The following DTNB variants were observed in gnomAD, a reference collection of about 807,000 sequenced individuals.
The protein encoded by DTNB is DTN-B.
DTNB carries 63 observed loss-of-function variants against 90.7 expected under a neutral mutation model. The ratio of observed to expected loss-of-function variants is 0.69; its 90% CI spans 0.57 to 0.86. The LOEUF is 0.86. Among genes scored for constraint, DTNB ranks in the 40% least tolerant of loss-of-function variants. The pLI is 0.00. For missense variants in DTNB, 744 were observed against 807.1 expected (o/e 0.92, Z 0.95); for synonymous variants, 277 against 286.7 (o/e 0.97, Z 0.34).
intron 11 of DTNB, 44 bp from the exon 12 acceptor site, chr2:25,451,679 C>T (rs2059311450): frequency 6.7e-7 from 1 of 1,483,110 alleles, no homozygotes; most frequent in African/African-American, 1.4e-5. Flanking sequence ...TTAAACATCC[C>T]TTATTCTTGT....
At chr2:25,571,174 T>C (rs528007273) in intron 8 of DTNB, among the ~76,000 whole-genome samples, 3 of 152,354 alleles carry the variant, frequency 2.0e-5, no homozygotes, top group African/African-American at 4.8e-5. Flanking sequence ...GGCTGATGTA[T>C]ACAACATATT....
chr2:25,519,813 C>T (rs139695429), intron 9 of DTNB, among the ~76,000 whole-genome samples: 46 of 152,212 alleles, frequency 3.0e-4, no homozygotes, highest in African/African-American at 1.1e-3. Context: ...GATCAAGATA[C>T]CTAGAATGAA....
At chr2:25,567,561 TGAA>T (rs2151256874) in intron 8 of DTNB, among the ~76,000 whole-genome samples, 1 of 152,356 alleles carries the variant, frequency 6.6e-6, no homozygotes, top group South Asian at 2.1e-4. Flanking sequence ...TAGAAGATTT[TGAA>T]GAACACAATA....
intron 4 of DTNB, among the ~76,000 whole-genome samples, chr2:25,616,008 G>C (rs528269234): frequency 6.6e-6 from 1 of 152,276 alleles, no homozygotes; most frequent in South Asian, 2.1e-4. Context: ...CTTTTATTTT[G>C]TTGGCAGTGA....
At chr2:25,576,745 T>A (rs1454679625) in intron 8 of DTNB, 93 bp downstream of exon 8, 1 of 1,397,370 alleles carries the variant, frequency 7.2e-7, no homozygotes, top group African/African-American at 1.5e-5. Flanking sequence ...CACACCCTTA[T>A]TTGGTAGGCA....
Position 25,424,560 on chromosome 2 carries a change from AC to A in DTNB, c.1554+2974del, listed in dbSNP as rs2050867504. Among the ~76,000 whole-genome samples, 2 of 152,160 alleles carry A rather than the reference AC, an allele frequency of 1.3e-5. No individual in the cohort carries two copies. The highest frequency in any genetic ancestry group is 1.3e-4 in the Admixed American group (2 of 15,280). ...AGTTTACATAAACCTTTTGCCTTTT[AC>A]AAAAATCACACTGGGGCACTGGGAC... is the stretch of plus-strand genomic sequence containing the variant. On this transcript the variant is annotated intron_variant, in intron 15 of 20. Transcript: ENST00000406818. The surrounding 1 kb of genome is among the most constrained non-coding windows in gnomAD (Gnocchi z 4.1).
At chr2:25,435,561 A>G (rs148442323) in intron 12 of DTNB, among the ~76,000 whole-genome samples, 145 of 152,326 alleles carry the variant, frequency 9.5e-4, no homozygotes, top group African/African-American at 3.2e-3. Flanking sequence ...GTTGTACCAC[A>G]TATCAGTACT....
intron 16 of DTNB, chr2:25,419,085 G>A (rs1369271975): frequency 1.2e-5 from 2 of 170,192 alleles, no homozygotes; most frequent in Non-Finnish European, 2.5e-5. Flanking sequence ...CAGAAGCCTA[G>A]TCGAGACTGC....
At chr2:25,577,778 A>G (rs111310071) in intron 7 of DTNB, among the ~76,000 whole-genome samples, 1 of 152,134 alleles carries the variant, frequency 6.6e-6, no homozygotes, top group Non-Finnish European at 1.5e-5. Flanking sequence ...CGAGGCGGGC[A>G]GATCACGAGG....
chr2:25,527,678 A>G (rs2077426421), intron 9 of DTNB, among the ~76,000 whole-genome samples: 1 of 152,228 alleles, frequency 6.6e-6, no homozygotes, highest in African/African-American at 2.4e-5. Flanking sequence ...ATTCCTACCA[A>G]TACAAAATAC....
rs551224217 is a variant in DTNB at position 25,458,411 on chromosome 2, T to TA, written c.1080-2918dup. Among the ~76,000 whole-genome samples the TA allele has an allele frequency of 7.7e-4, 110 of 142,404 alleles. 1 individual carries two copies. The highest frequency in any genetic ancestry group is 6.4e-3 in the South Asian group (29 of 4,514). The allele number at this position is 142,404 out of a possible 152,430, so 93.4% of individuals were successfully genotyped here. A position where few individuals can be genotyped will look rare whatever the true frequency, so the allele number is the denominator to read the frequency against. ...AAAGGGTTAATGAGAAATCAACAGT[T>TA]AAAAAAAAAAAAAGAGAGAGAGAAA... On this transcript the variant is annotated intron_variant, in intron 10 of 20. Transcript: ENST00000406818.
At chr2:25,589,367 CTTTTTTTTTTTTT>C (rs1169808182) in intron 6 of DTNB, among the ~76,000 whole-genome samples, 1,664 of 57,476 alleles carry the variant, frequency 0.029, 12 homozygotes, top group Middle Eastern at 0.057. Context: ...TTTTTCTTTT[CTTTTTTTTTTTTT>C]TTTTTTTTTT....
intron 3 of DTNB, among the ~76,000 whole-genome samples, chr2:25,633,940 C>T (rs2076411877): frequency 1.3e-5 from 2 of 151,796 alleles, no homozygotes; most frequent in Non-Finnish European, 2.9e-5. Context: ...GCCTGGCAAC[C>T]GCCCCGTCTG....
intron 9 of DTNB, among the ~76,000 whole-genome samples, chr2:25,489,138 C>A (rs537974083): frequency 1.3e-5 from 2 of 152,182 alleles, no homozygotes; most frequent in Non-Finnish European, 2.9e-5. Flanking sequence ...TGCGGCCAGA[C>A]CACTCCAGTT....
intron 4 of DTNB, among the ~76,000 whole-genome samples, chr2:25,617,545 T>A (rs1346538848): frequency 6.6e-6 from 1 of 152,120 alleles, no homozygotes; most frequent in Non-Finnish European, 1.5e-5. Context: ...AATATTAATA[T>A]AAACAAAAAT....
chr2:25,501,728 G>A, intron 9 of DTNB, among the ~76,000 whole-genome samples: 1 of 152,236 alleles, frequency 6.6e-6, no homozygotes, highest in South Asian at 2.1e-4. Context: ...AGAGAATGAA[G>A]GAGAGGCGAT....
At chr2:25,631,573 C>CA (rs762603520) in intron 3 of DTNB, among the ~76,000 whole-genome samples, 1,342 of 86,050 alleles carry the variant, frequency 0.016, 16 homozygotes, top group African/African-American at 0.052. Flanking sequence ...ACCCTGTGGT[C>CA]AAAAAAAAAA....
chr2:25,459,882 A>G (rs1574746568), intron 10 of DTNB, among the ~76,000 whole-genome samples: 1 of 152,138 alleles, frequency 6.6e-6, no homozygotes, highest in African/African-American at 2.4e-5. Flanking sequence ...ACGAGGTGGG[A>G]GGATCACTTG....
chr2:25,464,305 C>T (rs539726396), intron 10 of DTNB, among the ~76,000 whole-genome samples: 1 of 152,264 alleles, frequency 6.6e-6, no homozygotes, highest in East Asian at 1.9e-4. Flanking sequence ...ACAAGATGAG[C>T]CTGGAGCATG....
Sources: allele counts gnomAD v4.1 joint callset (sites outside exome capture counted in the v4.1 genomes callset), GRCh38; gene constraint gnomAD v4.1.1; non-coding constraint Gnocchi (gnomAD v3.1); transcripts MANE v1.5; gene names NCBI Gene and HGNC (gene_info 2026-07-23, HGNC 2026-07-21).